CKAP2L: variants seen among roughly 807,000 people sequenced by gnomAD.
CKAP2L encodes the protein cytoskeleton-associated protein 2-like.
CKAP2L carries 42 observed loss-of-function variants against 65.7 expected under a neutral mutation model. The ratio of observed to expected loss-of-function variants is 0.64; its 90% CI spans 0.50 to 0.83. The LOEUF (loss-of-function observed/expected upper bound fraction) is 0.83. CKAP2L is among the 40% of genes least tolerant of loss of function. The pLI is 0.00. For missense variants in CKAP2L, 908 were observed against 871.0 expected (o/e 1.04, Z -0.53); for synonymous variants, 325 against 313.5 (o/e 1.04, Z -0.39).
At chr2:112,742,460 G>T (rs764849603) in intron 7 of CKAP2L, 44 of 717,766 alleles carry the variant, frequency 6.1e-5, no homozygotes, top group Non-Finnish European at 2.3e-5. Context: ...GGATTCCAAG[G>T]AAGTGGGACA....
rs1263470657 is a variant in CKAP2L at position 112,737,491 on chromosome 2, TC to T, written c.*1331del. On this transcript the variant is annotated 3_prime_UTR_variant, in exon 9 of 9. Transcript: ENST00000302450. ...ATGATTAATGATGCTGAACACCTTTTCATATCTATACCTACTGGCCATTTCT... is the reference window on the plus strand; with the variant it reads ...ATGATTAATGATGCTGAACACCTTTTATATCTATACCTACTGGCCATTTCT... 1.3e-5 allele frequency: 2 copies of T among 152,220 alleles called. No homozygotes were observed. Among genetic ancestry groups the T allele is most frequent in the African/African-American group, 4.8e-5 (2 of 41,460 alleles). 9.4% of individuals were successfully genotyped at this position (152,220 alleles called of 1,614,324 possible).
Position 112,738,635 on chromosome 2 carries a change from AAC to A in CKAP2L, c.*186_*187del. On this transcript the variant is annotated 3_prime_UTR_variant, in exon 9 of 9. Coordinates refer to ENST00000302450, the MANE Select transcript of CKAP2L (RefSeq NM_152515.5). ...CTGTAAAACTGGCAAACTGGTCTTA[AAC>A]ACATAAAGCAAAGATTTTCCCATGG... 1.7e-6 allele frequency: 1 copy of A among 596,540 alleles called. No individual in the cohort carries two copies. Among genetic ancestry groups the A allele is most frequent in the Non-Finnish European group, 3.0e-6 (1 of 336,536 alleles). The allele number at this position is 596,540 out of a possible 1,614,324, so 37.0% of individuals were successfully genotyped here.
intron 2 of CKAP2L, among the ~76,000 whole-genome samples, chr2:112,761,634 T>C (rs576250669): frequency 6.6e-6 from 1 of 151,448 alleles, no homozygotes; most frequent in African/African-American, 2.4e-5. Context: ...GAGGTGAATT[T>C]AGAAGGAATC....
chr2:112,753,051 A>G (rs1680426418), intron 4 of CKAP2L, among the ~76,000 whole-genome samples: 1 of 152,174 alleles, frequency 6.6e-6, no homozygotes, highest in African/African-American at 2.4e-5. Flanking sequence ...TTTCCACTCC[A>G]GCTTCTAACA....
chr2:112,740,893 G>C lies in CKAP2L; in HGVS notation c.1937C>G (p.Thr646Arg). Reference protein sequence around the residue: ...CLSPKEREQVTATPRIAKAEQ... With the variant: ...CLSPKEREQVRATPRIAKAEQ... ...TGCCTTGGCTATTCGGGGTGTCGCC[G>C]TGACTTGTTCCCTCTCTTTTGGAGA... is the stretch of plus-strand genomic sequence containing the variant. The change falls in exon 8 of 9, where the codon ACG (threonine) becomes AGG (arginine). Residue 646 changes from threonine (T) to arginine (R), a missense_variant. Physicochemically the swap from Thr to Arg is moderately conservative, Grantham distance 71. Transcript: ENST00000302450. 6.2e-7 allele frequency: 1 copy of C among 1,613,918 alleles called. No homozygotes were observed. Among genetic ancestry groups the C allele is most frequent in the East Asian group, 2.2e-5 (1 of 44,874 alleles).
At chr2:112,747,655 C>G (rs1021037292) in intron 5 of CKAP2L, among the ~76,000 whole-genome samples, 3 of 152,178 alleles carry the variant, frequency 2.0e-5, no homozygotes, top group African/African-American at 7.2e-5. Flanking sequence ...CACTACCATG[C>G]CCAGAAATCC....
intron 4 of CKAP2L, among the ~76,000 whole-genome samples, chr2:112,755,738 GAAAAA>G (rs150191453): frequency 7.3e-6 from 1 of 136,552 alleles, no homozygotes; most frequent in Admixed American, 7.2e-5. Context: ...TTCTTAAAAA[GAAAAA>G]AAAAAAGCTA....
At position 112,736,394 on chromosome 2, in the gene CKAP2L, CATG is replaced by C. The variant is rs531807805; in HGVS notation, c.*2426_*2428del. On this transcript the variant is annotated 3_prime_UTR_variant, in exon 9 of 9. Coordinates refer to ENST00000302450, the MANE Select transcript of CKAP2L (RefSeq NM_152515.5). ...TATTAGGTATATTTAAGATTTACAA[CATG>C]ATGTTATGGGATACATATAGATAAT... 3.9e-4 allele frequency among the ~76,000 whole-genome samples: 60 copies of C among 152,274 alleles called. No homozygotes were observed. Among genetic ancestry groups the C allele is most frequent in the South Asian group, 2.3e-3 (11 of 4,824 alleles).
At chr2:112,758,029 A>T (rs183547370) in intron 3 of CKAP2L, among the ~76,000 whole-genome samples, 1 of 152,316 alleles carries the variant, frequency 6.6e-6, no homozygotes, top group East Asian at 1.9e-4. Context: ...TGACAAGGAG[A>T]TAGGTGGCAG....
intron 4 of CKAP2L, among the ~76,000 whole-genome samples, chr2:112,755,689 C>G (rs1371577191): frequency 6.6e-6 from 1 of 151,990 alleles, no homozygotes; most frequent in Non-Finnish European, 1.5e-5. Context: ...GTGTCTACAT[C>G]TGCACCCCCT....
rs770297865 is a variant in CKAP2L, at chr2:112,756,044, C to T, written c.1327G>A (p.Val443Ile). The T allele has an allele frequency of 3.7e-6, 6 of 1,613,050 alleles. No homozygotes were observed. In the South Asian group the frequency reaches 6.6e-5, roughly 18 times the overall value. ...NKTAPKTQAD[V>I]TTVNGTQTNP... ...GTTTGGGTCCCATTTACGGTTGTGA[C>T]ATCAGCTTGAGTTTTGGGAGCTGTC... Residue 443 changes from valine to isoleucine, a missense_variant, in exon 4 of 9, where the codon GTC (valine) becomes ATC (isoleucine). Coordinates refer to ENST00000302450, the MANE Select transcript of CKAP2L (RefSeq NM_152515.5).
chr2:112,750,433 C>A lies in CKAP2L; in HGVS notation c.1602+1834G>T, dbSNP rs556762177. On this transcript the variant is annotated intron_variant, in intron 5 of 8. Transcript: ENST00000302450. ...GACCATGGAAGCTTTAACAATGTAG[C>A]TCCCTTGCCTCTGATCAGGATGACT... Among the ~76,000 whole-genome samples the A allele has an allele frequency of 1.4e-4, 21 of 152,340 alleles. No individual in the cohort carries two copies. The South Asian group carries it at 4.1e-3, about 30-fold the overall frequency.
rs986020963 is a variant in CKAP2L, at chr2:112,752,327, T to C, written c.1542A>G (p.Gln514=). Residue 514 remains glutamine (Q), a synonymous_variant, in exon 5 of 9, where the codon CAA becomes CAG. Transcript: ENST00000302450. ...TGTTAATTTTACTGGACAGTTCGAGTTGTGCTTTCTTTTCTTCCTCTTCTT... is the reference window on the plus strand; with the variant it reads ...TGTTAATTTTACTGGACAGTTCGAGCTGTGCTTTCTTTTCTTCCTCTTCTT... ...IEKEEEEKKA[Q]LELSSKINNT... 2.5e-6 allele frequency: 4 copies of C among 1,613,788 alleles called. No individual in the cohort carries two copies. The highest frequency in any genetic ancestry group is 1.3e-5 in the African/African-American group (1 of 74,878).
chr2:112,737,321 C>T lies in CKAP2L; in HGVS notation c.*1502G>A, dbSNP rs1389941782. ...GCCTCCATACCGTTTTCCATAACGGCTGCCCCAGTCTACACGCCCACAAAC... is the reference window on the plus strand; with the variant it reads ...GCCTCCATACCGTTTTCCATAACGGTTGCCCCAGTCTACACGCCCACAAAC... On this transcript the variant is annotated 3_prime_UTR_variant, in exon 9 of 9. Coordinates refer to ENST00000302450, the MANE Select transcript of CKAP2L (RefSeq NM_152515.5). 1 of 152,170 alleles carries T rather than the reference C, an allele frequency of 6.6e-6. No homozygotes were observed. The highest frequency in any genetic ancestry group is 1.5e-5 in the Non-Finnish European group (1 of 68,026). 9.4% of individuals were successfully genotyped at this position (152,170 alleles called of 1,614,324 possible).
Position 112,756,009 on chromosome 2 carries a change from A to G in CKAP2L, c.1362T>C (p.Asn454=), listed in dbSNP as rs1422939588. The change falls in exon 4 of 9, where the codon AAT becomes AAC. Residue 454 remains asparagine, a synonymous_variant. Transcript: ENST00000302450. ...TTVNGTQTNP[N]IKKKATAEDR... is the part of the protein sequence containing the mutation. Reference sequence around the variant, plus strand: ...CCTCTGCTGTTGCCTTCTTTTTAATATTTGGGTTTGTTTGGGTCCCATTTA... The same window carrying G: ...CCTCTGCTGTTGCCTTCTTTTTAATGTTTGGGTTTGTTTGGGTCCCATTTA... 2 of 1,593,684 alleles carry G rather than the reference A, an allele frequency of 1.3e-6. No homozygotes were observed. Among genetic ancestry groups the G allele is most frequent in the Non-Finnish European group, 1.7e-6 (2 of 1,172,942 alleles).
intron 5 of CKAP2L, among the ~76,000 whole-genome samples, chr2:112,751,389 G>A (rs1342800760): frequency 6.6e-6 from 1 of 152,162 alleles, no homozygotes; most frequent in African/African-American, 2.4e-5. Flanking sequence ...TGAATGACTG[G>A]CAATGGTGGT....
intron 7 of CKAP2L, among the ~76,000 whole-genome samples, chr2:112,742,247 T>C (rs1453459954): frequency 2.0e-5 from 3 of 152,236 alleles, no homozygotes; most frequent in Non-Finnish European, 4.4e-5. Context: ...ATATGTCTCA[T>C]AGAAGAGTCT....
At chr2:112,739,179 G>C (rs995004416) in intron 8 of CKAP2L, 131 bp from the exon 9 acceptor site, 2 of 715,914 alleles carry the variant, frequency 2.8e-6, no homozygotes, top group Admixed American at 2.9e-5. Context: ...GATATGTCTA[G>C]AGCAGCTTTC....
chr2:112,757,538 G>C (rs1441181426), intron 3 of CKAP2L, among the ~76,000 whole-genome samples: 2 of 151,894 alleles, frequency 1.3e-5, no homozygotes, highest in Non-Finnish European at 2.9e-5. Context: ...ACAGGCGCAT[G>C]TCACTACACC....
Sources: gnomAD v4.1 joint callset for allele counts (sites outside exome capture counted in the v4.1 genomes callset) on GRCh38, gnomAD v4.1.1 for gene constraint, MANE v1.5 for transcripts, NCBI Gene and HGNC (gene_info 2026-07-23, HGNC 2026-07-21) for gene names.